The following ZC2HC1B variants were observed in gnomAD, a reference collection of about 807,000 sequenced individuals.
The protein encoded by ZC2HC1B is zinc finger C2HC domain-containing protein 1B.
Under a neutral mutation model 31.0 loss-of-function variants are expected in ZC2HC1B, and 36 were observed. The ratio of observed to expected loss-of-function variants is 1.16; its 90% CI spans 0.89 to 1.54. The LOEUF is 1.54. Ranked by LOEUF, ZC2HC1B falls within the 40% of genes most tolerant of loss-of-function variation. The pLI is 0.00. For synonymous variants in ZC2HC1B, 73 were observed against 88.0 expected (o/e 0.83, Z 0.95); for missense variants, 260 against 268.6 (o/e 0.97, Z 0.22).
chr6:143,896,381 C>G (rs777396262), intron 4 of ZC2HC1B, among the ~76,000 whole-genome samples: 5 of 152,134 alleles, frequency 3.3e-5, no homozygotes, highest in Admixed American at 6.5e-5. Flanking sequence ...ATGGTTGCAG[C>G]ATTTCTTATG....
At chr6:143,877,352 A>G (rs112824622) in intron 1 of ZC2HC1B, among the ~76,000 whole-genome samples, 18,971 of 125,134 alleles carry the variant, frequency 0.15, 2,298 homozygotes, top group African/African-American at 0.31. Flanking sequence ...GCGCCATCTC[A>G]GTTCACCAAA....
At position 143,924,349 on chromosome 6, in the gene ZC2HC1B, TTA is replaced by T. The variant is rs374278907; in HGVS notation, c.599-13286_599-13285del. Among the ~76,000 whole-genome samples, 120 of 149,594 alleles carry T rather than the reference TTA, an allele frequency of 8.0e-4. 2 individuals are homozygous for T. In the South Asian group the frequency reaches 0.019, roughly 23 times the overall value. Reference sequence around the variant, plus strand: ...GTGTTTTTGGTGGAGTCTTTAGGTTTTATATATATATATATGTATTACATATA... The same window carrying T: ...GTGTTTTTGGTGGAGTCTTTAGGTTTTATATATATATATGTATTACATATA... On this transcript the variant is annotated intron_variant, in intron 6 of 7. Coordinates refer to ENST00000237275, the MANE Select transcript of ZC2HC1B (RefSeq NM_001013623.3). The surrounding 1 kb of genome is among the most constrained non-coding windows in gnomAD (Gnocchi z 5.2).
chr6:143,867,657 T>C (rs896716691), intron 1 of ZC2HC1B, among the ~76,000 whole-genome samples: 1 of 152,326 alleles, frequency 6.6e-6, no homozygotes, highest in East Asian at 1.9e-4. Flanking sequence ...GCAGGCACTT[T>C]ATTAGAATAT....
At chr6:143,875,216 C>T (rs1389104333) in intron 1 of ZC2HC1B, among the ~76,000 whole-genome samples, 1 of 152,164 alleles carries the variant, frequency 6.6e-6, no homozygotes, top group African/African-American at 2.4e-5. Context: ...AAGGCAATTA[C>T]AGGGATCTTC....
intron 1 of ZC2HC1B, among the ~76,000 whole-genome samples, chr6:143,880,536 A>G (rs1331967069): frequency 6.6e-6 from 1 of 152,174 alleles, no homozygotes; most frequent in East Asian, 1.9e-4. Context: ...TTTCCATGTT[A>G]TTCTCCCACA....
At position 143,933,876 on chromosome 6, in the gene ZC2HC1B, G is replaced by A. The variant is rs1260871527; in HGVS notation, c.599-3773G>A. Among the ~76,000 whole-genome samples, 1 of 152,184 alleles carries A rather than the reference G, an allele frequency of 6.6e-6. No individual in the cohort carries two copies. Among genetic ancestry groups the A allele is most frequent in the Non-Finnish European group, 1.5e-5 (1 of 68,032 alleles). ...TTGCCCCCAGATTCTTCTCAAGAGG[G>A]TTTGCACCCAGTCAAAATTATTACA... is the stretch of plus-strand genomic sequence containing the variant. On this transcript the variant is annotated intron_variant, in intron 6 of 7. Transcript: ENST00000237275. This position sits in a 1 kb window ranked among gnomAD's most constrained non-coding sequence, Gnocchi z 6.4.
In ZC2HC1B at chr6:143,915,308, A is replaced by G. The variant is rs907453699; in HGVS notation, c.598+12156A>G. On this transcript the variant is annotated intron_variant, in intron 6 of 7. Coordinates refer to ENST00000237275, the MANE Select transcript of ZC2HC1B (RefSeq NM_001013623.3). This position sits in a 1 kb window ranked among gnomAD's most constrained non-coding sequence, Gnocchi z 5.2. ...ATGTGAGATATGCCTTTCACCTTCC[A>G]CCATGATTGTGTGGCCTTCCCAGCC... is the stretch of plus-strand genomic sequence containing the variant. Among the ~76,000 whole-genome samples the G allele has an allele frequency of 4.6e-5, 7 of 152,150 alleles. No individual in the cohort carries two copies. Among genetic ancestry groups the G allele is most frequent in the Non-Finnish European group, 1.0e-4 (7 of 68,018 alleles).
chr6:143,919,217 C>CTGTG (rs71024878), intron 6 of ZC2HC1B, among the ~76,000 whole-genome samples: 4,831 of 123,522 alleles, frequency 0.039, 106 homozygotes, highest in African/African-American at 0.063. Flanking sequence ...TTGCTATTCT[C>CTGTG]TGTGTGTGTG....
rs117605371 is a variant in ZC2HC1B at position 143,887,900 on chromosome 6, C to T, written c.349+1079C>T. On this transcript the variant is annotated intron_variant, in intron 4 of 7. Coordinates refer to ENST00000237275, the MANE Select transcript of ZC2HC1B (RefSeq NM_001013623.3). The surrounding 1 kb of genome is among the most constrained non-coding windows in gnomAD (Gnocchi z 5.1). Reference sequence around the variant, plus strand: ...TCTCTCTTGATAATAGCCTTTAATACACAAAAGTTTTTCATTTTGATGATG... The same window carrying T: ...TCTCTCTTGATAATAGCCTTTAATATACAAAAGTTTTTCATTTTGATGATG... 0.028 allele frequency among the ~76,000 whole-genome samples: 4,205 copies of T among 152,052 alleles called. 108 individuals carry two copies. Among genetic ancestry groups the T allele is most frequent in the Admixed American group, 0.075 (1,140 of 15,266 alleles).
chr6:143,872,001 C>T lies in ZC2HC1B; in HGVS notation c.28+7434C>T, dbSNP rs772423708. ...GGAGGACCATAATGACGTTTTGGGT[C>T]CCCTGGAATCAACATCAGCTCAGAG... On this transcript the variant is annotated intron_variant, in intron 1 of 7. Transcript: ENST00000237275. The surrounding 1 kb of genome is among the most constrained non-coding windows in gnomAD (Gnocchi z 5.5). Among the ~76,000 whole-genome samples the T allele has an allele frequency of 6.6e-6, 1 of 152,012 alleles. No individual in the cohort carries two copies. Among genetic ancestry groups the T allele is most frequent in the Non-Finnish European group, 1.5e-5 (1 of 68,010 alleles).
In ZC2HC1B at chr6:143,924,559, T is replaced by C. The variant is rs140024898; in HGVS notation, c.599-13090T>C. ...GATGACCCTATCTCTAAATAAATAA[T>C]AAAAATGAAGTGGTGGAACTGGGTA... On this transcript the variant is annotated intron_variant, in intron 6 of 7. Transcript: ENST00000237275. This position sits in a 1 kb window ranked among gnomAD's most constrained non-coding sequence, Gnocchi z 5.2. Among the ~76,000 whole-genome samples the C allele has an allele frequency of 6.6e-6, 1 of 152,244 alleles. No individual in the cohort carries two copies. The highest frequency in any genetic ancestry group is 2.4e-5 in the African/African-American group (1 of 41,554).
In ZC2HC1B at chr6:143,869,346, T is replaced by A. The variant is rs1365471164; in HGVS notation, c.28+4779T>A. 2.0e-5 allele frequency among the ~76,000 whole-genome samples: 3 copies of A among 152,228 alleles called. No individual in the cohort carries two copies. Among genetic ancestry groups the A allele is most frequent in the African/African-American group, 7.2e-5 (3 of 41,446 alleles). Reference sequence around the variant, plus strand: ...GCCCTTCAACGTATTGTCACCTAGTTGTTGTAATTGTGACTTCAAAAGGCC... The same window carrying A: ...GCCCTTCAACGTATTGTCACCTAGTAGTTGTAATTGTGACTTCAAAAGGCC... On this transcript the variant is annotated intron_variant, in intron 1 of 7. Transcript: ENST00000237275. This position sits in a 1 kb window ranked among gnomAD's most constrained non-coding sequence, Gnocchi z 5.2.
chr6:143,930,938 T>G (rs1778111663), intron 6 of ZC2HC1B, among the ~76,000 whole-genome samples: 2 of 152,238 alleles, frequency 1.3e-5, no homozygotes, highest in Admixed American at 1.3e-4. Context: ...TTTTTCTGTC[T>G]TGATGATCTG....
rs993747383 is a variant in ZC2HC1B at position 143,883,930 on chromosome 6, G to C, written c.29-374G>C. ...CAGCTTTCACAGAACTTACATTCTA[G>C]TAGGAGTCCCAAAGATGTTACCACT... On this transcript the variant is annotated intron_variant, in intron 1 of 7. Transcript: ENST00000237275. This position sits in a 1 kb window ranked among gnomAD's most constrained non-coding sequence, Gnocchi z 4.1. 1.3e-5 allele frequency among the ~76,000 whole-genome samples: 2 copies of C among 152,178 alleles called. No homozygotes were observed. Among genetic ancestry groups the C allele is most frequent in the Non-Finnish European group, 2.9e-5 (2 of 68,028 alleles).
Position 143,911,597 on chromosome 6 carries a change from C to T in ZC2HC1B, c.598+8445C>T, listed in dbSNP as rs1777857059. Among the ~76,000 whole-genome samples, 1 of 152,084 alleles carries T rather than the reference C, an allele frequency of 6.6e-6. No individual in the cohort carries two copies. The highest frequency in any genetic ancestry group is 1.5e-5 in the Non-Finnish European group (1 of 67,994). ...CTTTAAGAATGTTGAATTTTGGCCC[C>T]CAGTCTCTTCTACCTTCTAGGGTTT... On this transcript the variant is annotated intron_variant, in intron 6 of 7. Transcript: ENST00000237275. The surrounding 1 kb of genome is among the most constrained non-coding windows in gnomAD (Gnocchi z 4.5).
In ZC2HC1B at chr6:143,868,475, T is replaced by TC. The variant is rs2128492870; in HGVS notation, c.28+3908_28+3909insC. On this transcript the variant is annotated intron_variant, in intron 1 of 7. Transcript: ENST00000237275. The surrounding 1 kb of genome is among the most constrained non-coding windows in gnomAD (Gnocchi z 4.2). Reference sequence around the variant, plus strand: ...AGTCTAGTCTTTTCACATTTTTTTTTTCTGCCTGCTTTAGATTCGATCTGC... The same window carrying TC: ...AGTCTAGTCTTTTCACATTTTTTTTTCTCTGCCTGCTTTAGATTCGATCTGC... Among the ~76,000 whole-genome samples the TC allele has an allele frequency of 6.6e-6, 1 of 152,032 alleles. No homozygotes were observed. Among genetic ancestry groups the TC allele is most frequent in the Non-Finnish European group, 1.5e-5 (1 of 67,978 alleles).
chr6:143,909,831 T>A (rs1222313082), intron 6 of ZC2HC1B, among the ~76,000 whole-genome samples: 1 of 150,854 alleles, frequency 6.6e-6, no homozygotes, highest in Non-Finnish European at 1.5e-5. Flanking sequence ...TAGCAGTCTA[T>A]CTGTCTTATT....
rs1777290996 is a variant in ZC2HC1B at position 143,868,217 on chromosome 6, A to G, written c.28+3650A>G. ...ACTTCCATTTTACTGAGTCTTTTAAATCAGAAGGTGTATTAGGGTTCTCTA... is the reference window on the plus strand; with the variant it reads ...ACTTCCATTTTACTGAGTCTTTTAAGTCAGAAGGTGTATTAGGGTTCTCTA... On this transcript the variant is annotated intron_variant, in intron 1 of 7. Coordinates refer to ENST00000237275, the MANE Select transcript of ZC2HC1B (RefSeq NM_001013623.3). This position sits in a 1 kb window ranked among gnomAD's most constrained non-coding sequence, Gnocchi z 4.2. Among the ~76,000 whole-genome samples, 1 of 152,166 alleles carries G rather than the reference A, an allele frequency of 6.6e-6. No individual in the cohort carries two copies. The highest frequency in any genetic ancestry group is 1.5e-5 in the Non-Finnish European group (1 of 68,024).
In ZC2HC1B at chr6:143,885,781, T is replaced by G. The variant is rs1192066545; in HGVS notation, c.91-251T>G. Reference sequence around the variant, plus strand: ...ACTGCCCACATTTGAGTTAAATATATAAACCCAAATTTGAAGTAAGTCTTT... The same window carrying G: ...ACTGCCCACATTTGAGTTAAATATAGAAACCCAAATTTGAAGTAAGTCTTT... On this transcript the variant is annotated intron_variant, in intron 2 of 7. Coordinates refer to ENST00000237275, the MANE Select transcript of ZC2HC1B (RefSeq NM_001013623.3). This position sits in a 1 kb window ranked among gnomAD's most constrained non-coding sequence, Gnocchi z 4.2. Among the ~76,000 whole-genome samples, 1 of 152,244 alleles carries G rather than the reference T, an allele frequency of 6.6e-6. No individual in the cohort carries two copies. The highest frequency in any genetic ancestry group is 2.1e-4 in the South Asian group (1 of 4,836).
Sources: allele counts gnomAD v4.1 joint callset (sites outside exome capture counted in the v4.1 genomes callset), GRCh38; gene constraint gnomAD v4.1.1; non-coding constraint Gnocchi (gnomAD v3.1); transcripts MANE v1.5; gene names NCBI Gene and HGNC (gene_info 2026-07-23, HGNC 2026-07-21).